The following DNM3 variants were observed in gnomAD, a reference collection of about 807,000 sequenced individuals.
DNM3 encodes the protein dynamin-3.
DNM3 carries 47 observed loss-of-function variants against 101.6 expected under a neutral mutation model. The ratio of observed to expected loss-of-function variants is 0.46; its 90% confidence interval spans 0.37 to 0.59. The LOEUF (loss-of-function observed/expected upper bound fraction) is 0.59. Ranked by LOEUF, DNM3 falls within the 20% of genes least tolerant of loss-of-function variation. DNM3 has a pLI of 0.00. For missense variants in DNM3, 849 were observed against 1,085.7 expected, an observed-to-expected ratio of 0.78 and a Z score of 3.06; for synonymous variants, 385 against 387.9, an observed-to-expected ratio of 0.99 and a Z score of 0.09.
At chr1:172,054,968 C>T (rs1302785678) in intron 10 of DNM3, among the ~76,000 whole-genome samples, 1 of 141,760 alleles carries the variant, frequency 7.1e-6, no homozygotes, top group Non-Finnish European at 1.6e-5. Flanking sequence ...TCCCCCCCGC[C>T]CCCCCAAATA....
At chr1:172,377,911 A>G (rs2068696555) in intron 17 of DNM3, among the ~76,000 whole-genome samples, 1 of 152,022 alleles carries the variant, frequency 6.6e-6, no homozygotes, top group African/African-American at 2.4e-5. Flanking sequence ...TCACACAAGC[A>G]TATTGATTCA....
Position 171,882,396 on chromosome 1 carries a change from TTGC to T in DNM3, c.162-39350_162-39348del, listed in dbSNP as rs372460974. On this transcript the variant is annotated intron_variant, in intron 1 of 20. Coordinates refer to ENST00000627582, the MANE Select transcript of DNM3 (RefSeq NM_015569.5). Reference sequence around the variant, plus strand: ...AACAACTATGAATGCTTTGCCACATTTGCTTTATCTCGTTTTGTCTCTGTCTCT... The same window carrying T: ...AACAACTATGAATGCTTTGCCACATTTTTATCTCGTTTTGTCTCTGTCTCT... Among the ~76,000 whole-genome samples, 1,156 of 146,598 alleles carry T rather than the reference TTGC, an allele frequency of 7.9e-3. 22 individuals carry two copies. The highest frequency in any genetic ancestry group is 0.028 in the African/African-American group (1,103 of 39,090).
intron 18 of DNM3, among the ~76,000 whole-genome samples, chr1:172,384,984 C>T (rs1485583588): frequency 6.6e-6 from 1 of 152,174 alleles, no homozygotes; most frequent in South Asian, 2.1e-4. Context: ...ATTCCTAAAG[C>T]CAAATTTGCT....
intron 13 of DNM3, among the ~76,000 whole-genome samples, chr1:172,109,946 C>A (rs1051862181): frequency 2.0e-5 from 3 of 152,184 alleles, no homozygotes; most frequent in African/African-American, 7.2e-5. Flanking sequence ...ACACTCTACC[C>A]TGAGACATTC....
intron 10 of DNM3, among the ~76,000 whole-genome samples, chr1:172,066,390 C>A (rs1044673065): frequency 6.6e-6 from 1 of 152,120 alleles, no homozygotes; most frequent in African/African-American, 2.4e-5. Flanking sequence ...CTGGTAAGGG[C>A]CTTCTTGCTG....
At chr1:171,983,478 G>C (rs1031015896) in intron 2 of DNM3, among the ~76,000 whole-genome samples, 1 of 151,556 alleles carries the variant, frequency 6.6e-6, no homozygotes. Context: ...GGACATGTTG[G>C]CAGGGTTTGA....
Position 172,408,821 on chromosome 1 carries a change from G to A in DNM3, c.*980G>A. 1.0e-6 allele frequency: 1 copy of A among 985,090 alleles called. No individual in the cohort carries two copies. Among genetic ancestry groups the A allele is most frequent in the Non-Finnish European group, 1.2e-6 (1 of 829,754 alleles). The allele number at this position is 985,090 out of a possible 1,614,324, so 61.0% of individuals were successfully genotyped here. ...AGAATTTATCCTACCCTTGAAACAG[G>A]CTCAGTGTAACTGTATATCCATTCT... On this transcript the variant is annotated 3_prime_UTR_variant, in exon 21 of 21. Transcript: ENST00000627582.
In DNM3 at chr1:172,313,610, G is replaced by A. The variant is rs1448220602; in HGVS notation, c.1881+4771G>A. On this transcript the variant is annotated intron_variant, in intron 16 of 20. Coordinates refer to ENST00000627582, the MANE Select transcript of DNM3 (RefSeq NM_015569.5). ...TGAGCCTGCCATTTACTAGCCATGT[G>A]GCTCAGGCAACTTACTTAACCTTCC... Among the ~76,000 whole-genome samples the A allele has an allele frequency of 3.3e-5, 5 of 152,066 alleles. No homozygotes were observed. The East Asian group carries it at 9.6e-4, about 29-fold the overall frequency.
chr1:172,389,619 A>G (rs1193440675), intron 20 of DNM3, among the ~76,000 whole-genome samples: 1 of 152,218 alleles, frequency 6.6e-6, no homozygotes, highest in Non-Finnish European at 1.5e-5. Flanking sequence ...TCAGAAATAT[A>G]AAGAGGAAAG....
chr1:172,106,870 T>TTTTTTC, intron 13 of DNM3, among the ~76,000 whole-genome samples: 1 of 125,826 alleles, frequency 7.9e-6, no homozygotes, highest in Non-Finnish European at 1.6e-5. Flanking sequence ...TTTTTTTTTT[T>TTTTTTC]TGAGACGGAG....
chr1:171,855,114 A>C (rs1422082509), intron 1 of DNM3, among the ~76,000 whole-genome samples: 1 of 152,096 alleles, frequency 6.6e-6, no homozygotes, highest in Non-Finnish European at 1.5e-5. Context: ...CCCACTAATG[A>C]GTGAGAACAG....
At chr1:172,329,547 A>G (rs2066092834) in intron 17 of DNM3, among the ~76,000 whole-genome samples, 1 of 152,104 alleles carries the variant, frequency 6.6e-6, no homozygotes, top group African/African-American at 2.4e-5. Flanking sequence ...AACCTGATGA[A>G]AGAAAGAAAT....
At chr1:172,362,849 G>T (rs2067814687) in intron 17 of DNM3, among the ~76,000 whole-genome samples, 1 of 151,154 alleles carries the variant, frequency 6.6e-6, no homozygotes, top group Non-Finnish European at 1.5e-5. Flanking sequence ...CAAAGCCATT[G>T]CCAGCCCTCA....
chr1:172,221,945 C>G (rs935149928), intron 14 of DNM3, among the ~76,000 whole-genome samples: 3 of 152,092 alleles, frequency 2.0e-5, no homozygotes, highest in African/African-American at 2.4e-5. Flanking sequence ...TAGAGTTTAT[C>G]ACATAGTAAG....
At chr1:172,057,546 T>C (rs1238350850) in intron 10 of DNM3, among the ~76,000 whole-genome samples, 1 of 152,198 alleles carries the variant, frequency 6.6e-6, no homozygotes, top group African/African-American at 2.4e-5. Flanking sequence ...TATTCAACAT[T>C]CTTGAAGAAA....
intron 4 of DNM3, among the ~76,000 whole-genome samples, chr1:172,002,831 G>A (rs529378739): frequency 5.3e-5 from 8 of 151,954 alleles, no homozygotes; most frequent in Non-Finnish European, 1.0e-4. Flanking sequence ...AAATGTGAAG[G>A]CACAATGATA....
At chr1:172,100,841 G>A (rs1316399869) in intron 13 of DNM3, among the ~76,000 whole-genome samples, 1 of 151,932 alleles carries the variant, frequency 6.6e-6, no homozygotes, top group Admixed American at 6.6e-5. Flanking sequence ...TTGCCCCAAC[G>A]GACTGCAAGA....
At chr1:172,209,703 A>C (rs1218204991) in intron 14 of DNM3, among the ~76,000 whole-genome samples, 2 of 152,096 alleles carry the variant, frequency 1.3e-5, no homozygotes, top group East Asian at 3.9e-4. Flanking sequence ...GCTTGTAAGC[A>C]CATATAACCA....
At chr1:172,166,424 A>C (rs11800998) in intron 14 of DNM3, among the ~76,000 whole-genome samples, 9,023 of 152,154 alleles carry the variant, frequency 0.059, 368 homozygotes, top group East Asian at 0.13. Flanking sequence ...ATATGAATAC[A>C]TTTGCCATCA....
Sources: allele counts gnomAD v4.1 joint callset (sites outside exome capture counted in the v4.1 genomes callset), GRCh38; gene constraint gnomAD v4.1.1; transcripts MANE v1.5; gene names NCBI Gene and HGNC (gene_info 2026-07-23, HGNC 2026-07-21).